Variants in PACS2 observed in about 807,000 individuals in gnomAD.
PACS2 encodes the protein phosphofurin acidic cluster sorting protein 2.
In PACS2, 36 loss-of-function variants were observed where a neutral mutation model predicts 113.0. That is an observed-to-expected ratio of 0.32 (90% CI 0.24 to 0.42). The LOEUF (loss-of-function observed/expected upper bound fraction) is 0.42. PACS2 is among the 10% of genes least tolerant of loss of function. The pLI, the probability that PACS2 is intolerant of heterozygous loss-of-function variation, is 1.00. For synonymous variants in PACS2, 589 were observed against 536.1 expected (o/e 1.10, Z -1.36); for missense variants, 1,015 against 1,239.5 (o/e 0.82, Z 2.72).
At position 105,324,118 on chromosome 14, in the gene PACS2, C is replaced by T. The variant is rs1392424612; in HGVS notation, c.119+9081C>T. Among the ~76,000 whole-genome samples, 1 of 152,200 alleles carries T rather than the reference C, an allele frequency of 6.6e-6. No individual in the cohort carries two copies. Among genetic ancestry groups the T allele is most frequent in the Non-Finnish European group, 1.5e-5 (1 of 68,040 alleles). On this transcript the variant is annotated intron_variant, in intron 1 of 24. Coordinates refer to ENST00000447393, the MANE Select transcript of PACS2 (RefSeq NM_001100913.3). This position sits in a 1 kb window ranked among gnomAD's most constrained non-coding sequence, Gnocchi z 4.7. ...AGGATGCTTTCCTTGGATCTGGGCA[C>T]TAGAACCAGCCCTTTCCCTCTCTCT...
intron 4 of PACS2, among the ~76,000 whole-genome samples, chr14:105,364,994 G>A (rs1429793913): frequency 5.3e-5 from 8 of 152,288 alleles, no homozygotes; most frequent in East Asian, 1.9e-4. Context: ...CATTATGCCC[G>A]GCCTCAATTT....
chr14:105,371,197 T>C (rs1595727739), intron 8 of PACS2: 1 of 152,202 alleles, frequency 6.6e-6, no homozygotes, highest in African/African-American at 2.4e-5. Flanking sequence ...CCTGTGTCTT[T>C]TGGTTTGCAT....
Position 105,356,742 on chromosome 14 carries a change from G to A in PACS2, c.423+1565G>A, listed in dbSNP as rs587651980. The stretch of plus-strand genomic sequence containing the variant: ...AGGCGAGGTCCTGCTGATCCCTGCC[G>A]GTCCCTGTGTTTCCCATTAGCCATG... On this transcript the variant is annotated intron_variant, in intron 4 of 24. Transcript: ENST00000447393. The surrounding 1 kb of genome is among the most constrained non-coding windows in gnomAD (Gnocchi z 4.0). Among the ~76,000 whole-genome samples, 1,429 of 148,988 alleles carry A rather than the reference G, an allele frequency of 9.6e-3. 7 individuals carry two copies. The highest frequency in any genetic ancestry group is 0.034 in the African/African-American group (1,345 of 39,926).
chr14:105,383,259 A>C (rs782622573), intron 15 of PACS2, 100 bp from the exon 16 acceptor site: 2 of 1,378,948 alleles, frequency 1.5e-6, no homozygotes, highest in African/African-American at 2.8e-5. Context: ...GAGCGGCCAC[A>C]GGCACGGAGC....
chr14:105,381,408 A>C (rs782541763), intron 12 of PACS2, among the ~76,000 whole-genome samples: 1 of 152,070 alleles, frequency 6.6e-6, no homozygotes, highest in Non-Finnish European at 1.5e-5. Context: ...ACACACATAC[A>C]CCAGCTTGAT....
At chr14:105,359,095 G>A (rs988370776) in intron 4 of PACS2, among the ~76,000 whole-genome samples, 1 of 152,150 alleles carries the variant, frequency 6.6e-6, no homozygotes, top group Non-Finnish European at 1.5e-5. Context: ...ATCCCTACAC[G>A]GCGGTGCATG....
intron 1 of PACS2, among the ~76,000 whole-genome samples, chr14:105,328,622 T>C (rs2059203732): frequency 6.6e-6 from 1 of 152,176 alleles, no homozygotes; most frequent in South Asian, 2.1e-4. Context: ...GGGTAGACTG[T>C]GGCCAGGCCC....
rs781949297 is a variant in PACS2 at position 105,352,497 on chromosome 14, C to G, written c.297+30C>G. On this transcript the variant is annotated intron_variant, in intron 3 of 24. Transcript: ENST00000447393. ...GTCTTTCACCAGTGGTGACGACACC[C>G]TCATCACTGTCCCCTGGGGAGACGG... 7 of 1,370,172 alleles carry G rather than the reference C, an allele frequency of 5.1e-6. No homozygotes were observed. The African/African-American group carries it at 1.0e-4, about 20-fold the overall frequency. The allele number at this position is 1,370,172 out of a possible 1,614,324, so 84.9% of individuals were successfully genotyped here. A position where few individuals can be genotyped will look rare whatever the true frequency, so the allele number is the denominator to read the frequency against.
chr14:105,382,110 G>C (rs1346536991), intron 13 of PACS2, 52 bp downstream of exon 13: 1 of 1,514,128 alleles, frequency 6.6e-7, no homozygotes, highest in East Asian at 2.5e-5. Context: ...TGGTCACCCT[G>C]GCACCAACCA....
In PACS2 at chr14:105,391,668, G is replaced by C; in HGVS notation, c.2157G>C (p.Thr719=). 6.2e-7 allele frequency: 1 copy of C among 1,610,406 alleles called. No homozygotes were observed. The highest frequency in any genetic ancestry group is 1.1e-5 in the South Asian group (1 of 90,692). The part of the protein sequence containing the change: ...SDDAAPSGSG[T]LSSTPPSASP... ...ACGCGGCCCCCTCGGGCTCTGGCAC[G>C]CTCTCCTCCACCCCGCCGTCCGCAT... Residue 719 remains threonine, a synonymous_variant, in exon 22 of 25, where the codon ACG becomes ACC. Transcript: ENST00000447393.
upstream of PACS2, among the ~76,000 whole-genome samples, chr14:105,311,805 G>A (rs1001910859): frequency 6.6e-6 from 1 of 152,236 alleles, no homozygotes; most frequent in Admixed American, 6.5e-5. Context: ...GCCTCCAGGA[G>A]GAGGGCCCTG....
rs782057772 is a variant in PACS2 at position 105,385,009 on chromosome 14, C to T, written c.2000+22C>T. 7 of 1,415,996 alleles carry T rather than the reference C, an allele frequency of 4.9e-6. No homozygotes were observed. In the South Asian group the frequency reaches 6.1e-5, roughly 12 times the overall value. 87.7% of individuals were successfully genotyped at this position (1,415,996 alleles called of 1,614,324 possible). On this transcript the variant is annotated intron_variant, in intron 18 of 24. Coordinates refer to ENST00000447393, the MANE Select transcript of PACS2 (RefSeq NM_001100913.3). ...AGAGGTAACGCGGTGGGCCCAGGCACCATACCACAGGCTGCCGCCAGCCAC... is the reference window on the plus strand; with the variant it reads ...AGAGGTAACGCGGTGGGCCCAGGCATCATACCACAGGCTGCCGCCAGCCAC...
chr14:105,360,215 C>T (rs587611798), intron 4 of PACS2, among the ~76,000 whole-genome samples: 6 of 152,166 alleles, frequency 3.9e-5, no homozygotes, highest in East Asian at 3.9e-4. Context: ...AATAGCATTA[C>T]GTCAAAAAAT....
intron 1 of PACS2, among the ~76,000 whole-genome samples, chr14:105,321,993 C>T (rs1425518703): frequency 1.3e-5 from 2 of 151,252 alleles, no homozygotes; most frequent in Non-Finnish European, 2.9e-5. Flanking sequence ...GGCTGGAGTA[C>T]AGTCGTGCAA....
rs1395583181 is a variant in PACS2 at position 105,366,158 on chromosome 14, T to G, written c.424-1055T>G. On this transcript the variant is annotated intron_variant, in intron 4 of 24. Coordinates refer to ENST00000447393, the MANE Select transcript of PACS2 (RefSeq NM_001100913.3). The surrounding 1 kb of genome is among the most constrained non-coding windows in gnomAD (Gnocchi z 4.3). ...TGAGGTCAGGAGTTTGAGACCATCC[T>G]GGCCAACATGGTGAAACTGTTTCTA... Among the ~76,000 whole-genome samples the G allele has an allele frequency of 1.3e-5, 2 of 148,280 alleles. No individual in the cohort carries two copies. Among genetic ancestry groups the G allele is most frequent in the African/African-American group, 5.3e-5 (2 of 37,590 alleles).
Position 105,354,808 on chromosome 14 carries a change from C to T in PACS2, c.298-244C>T, listed in dbSNP as rs1326957408. Among the ~76,000 whole-genome samples, 3 of 152,218 alleles carry T rather than the reference C, an allele frequency of 2.0e-5. No homozygotes were observed. The highest frequency in any genetic ancestry group is 4.8e-5 in the African/African-American group (2 of 41,464). Reference sequence around the variant, plus strand: ...ACCTGCCATGGCTGTTAGCGTGGCGCGGAGCCCTCAGGGCCTGAGCTCTGG... The same window carrying T: ...ACCTGCCATGGCTGTTAGCGTGGCGTGGAGCCCTCAGGGCCTGAGCTCTGG... On this transcript the variant is annotated intron_variant, in intron 3 of 24. Transcript: ENST00000447393. This position sits in a 1 kb window ranked among gnomAD's most constrained non-coding sequence, Gnocchi z 4.2.
Position 105,309,227 on chromosome 14 carries a change from A to G in PACS2, c.-83+8248A>G, listed in dbSNP as rs1291064818. ...GGGAAAGAAAGAAGTGTTAAAATTT[A>G]TGCATCAAGGTCCCTCTTAATCTTG... On this transcript the variant is annotated intron_variant, in intron 1 of 23. Coordinates refer to the PACS2 transcript ENST00000430725. The surrounding 1 kb of genome is among the most constrained non-coding windows in gnomAD (Gnocchi z 4.0). Among the ~76,000 whole-genome samples the G allele has an allele frequency of 6.6e-6, 1 of 152,186 alleles. No homozygotes were observed. The highest frequency in any genetic ancestry group is 1.5e-5 in the Non-Finnish European group (1 of 68,032).
chr14:105,375,737 G>A (rs966794301), intron 8 of PACS2, among the ~76,000 whole-genome samples: 7 of 152,206 alleles, frequency 4.6e-5, no homozygotes, highest in African/African-American at 1.7e-4. Context: ...ACAGGAAGCA[G>A]TTGCCAGACA....
rs1409765308 is a variant in PACS2 at position 105,350,279 on chromosome 14, A to G, written c.207+1699A>G. Among the ~76,000 whole-genome samples the G allele has an allele frequency of 5.3e-5, 8 of 152,140 alleles. No homozygotes were observed. In the South Asian group the frequency reaches 6.2e-4, roughly 12 times the overall value. On this transcript the variant is annotated intron_variant, in intron 2 of 24. Coordinates refer to ENST00000447393, the MANE Select transcript of PACS2 (RefSeq NM_001100913.3). ...AGGGTCTCATTGGGTCTTCAGAGCA[A>G]TGCAGAAAGGCATGAAGGCAAGAGT...
Sources: gnomAD v4.1 joint callset for allele counts (sites outside exome capture counted in the v4.1 genomes callset) on GRCh38, gnomAD v4.1.1 for gene constraint, Gnocchi (gnomAD v3.1) non-coding constraint, MANE v1.5 for transcripts, NCBI Gene and HGNC (gene_info 2026-07-23, HGNC 2026-07-21) for gene names.